The following HERC2 variants were observed in gnomAD, a reference collection of about 807,000 sequenced individuals.
HERC2 encodes E3 ubiquitin-protein ligase HERC2.
HERC2 carries 102 observed loss-of-function variants against 537.7 expected under a neutral mutation model. That is an observed-to-expected ratio of 0.19 (90% CI 0.16 to 0.22). The LOEUF (loss-of-function observed/expected upper bound fraction) is 0.22, where lower values mean the gene tolerates loss of function less well. Ranked by LOEUF, HERC2 falls within the 10% of genes least tolerant of loss-of-function variation. The pLI is 1.00. For synonymous variants in HERC2, 2,224 were observed against 2,466.2 expected, an observed-to-expected ratio of 0.90 and a Z score of 2.91; for missense variants, 4,236 against 6,198.2, an observed-to-expected ratio of 0.68 and a Z score of 10.63.
At chr15:28,125,888 C>G (rs545349317) in intron 83 of HERC2, among the ~76,000 whole-genome samples, 1 of 152,102 alleles carries the variant, frequency 6.6e-6, no homozygotes, top group African/African-American at 2.4e-5. Context: ...TCAAGCTCAC[C>G]GCAACCTCCG....
At chr15:28,255,801 C>T (rs941482739) in intron 19 of HERC2, 71 bp downstream of exon 19, 16 of 1,493,200 alleles carry the variant, frequency 1.1e-5, no homozygotes, top group Non-Finnish European at 1.3e-5. Flanking sequence ...TTCAGTTATT[C>T]TTCACGTGTG....
intron 4 of HERC2, among the ~76,000 whole-genome samples, chr15:28,284,211 A>G (rs2076095548): frequency 6.6e-6 from 1 of 152,162 alleles, no homozygotes; most frequent in Admixed American, 6.6e-5. Context: ...TGTATGTAAC[A>G]TATTACCTAG....
chr15:28,145,275 G>A (rs146902740), intron 71 of HERC2, among the ~76,000 whole-genome samples: 311 of 152,332 alleles, frequency 2.0e-3, no homozygotes, highest in Middle Eastern at 0.01. Context: ...AGAGTAGGCC[G>A]CCCTCGAGGG....
chr15:28,318,396 A>G (rs1465120967), intron 2 of HERC2, among the ~76,000 whole-genome samples: 7 of 152,112 alleles, frequency 4.6e-5, no homozygotes, highest in Non-Finnish European at 1.0e-4. Context: ...GGAGGCCGAG[A>G]CGGGTGGATC....
chr15:28,143,561 C>A (rs1891438240), intron 74 of HERC2, among the ~76,000 whole-genome samples: 1 of 152,098 alleles, frequency 6.6e-6, no homozygotes, highest in African/African-American at 2.4e-5. Flanking sequence ...ATTCTCCTGC[C>A]TCAGCCTCCC....
chr15:28,140,424 A>T (rs1053175668), intron 78 of HERC2, among the ~76,000 whole-genome samples: 6 of 152,260 alleles, frequency 3.9e-5, no homozygotes, highest in Non-Finnish European at 1.5e-5. Context: ...TAAAGAAGAT[A>T]CAAGAAATCT....
At position 28,240,161 on chromosome 15, in the gene HERC2, G is replaced by A. The variant is rs192874099; in HGVS notation, c.3578-1389C>T. Among the ~76,000 whole-genome samples, 61 of 152,374 alleles carry A rather than the reference G, an allele frequency of 4.0e-4. 1 individual carries two copies. The highest frequency in any genetic ancestry group is 7.7e-4 in the East Asian group (4 of 5,186). ...TCAGAGGGCGCAGTGGCTCACGCCT[G>A]TAATCCCAGCACTTTGGGAGGCCAA... On this transcript the variant is annotated intron_variant, in intron 23 of 92. Coordinates refer to ENST00000261609, the MANE Select transcript of HERC2 (RefSeq NM_004667.6).
rs1440421577 is a variant in HERC2 at position 28,246,853 on chromosome 15, C to T, written c.3280G>A (p.Ala1094Thr). 2 of 1,611,422 alleles carry T rather than the reference C, an allele frequency of 1.2e-6. No homozygotes were observed. The highest frequency in any genetic ancestry group is 2.7e-5 in the African/African-American group (2 of 74,912). Residue 1094 changes from alanine (A) to threonine (T), a missense_variant, in exon 22 of 93, where the codon GCC (alanine) becomes ACC (threonine). Transcript: ENST00000261609. ...GVGSLLKKYT[A>T]LLCTHIGDIL... is the part of the protein sequence containing the mutation. ...TCTCCAATGTGCGTGCACAGGAGGG[C>T]TGTGTACTTCTTCAGCAAGGAACCA...
At chr15:28,140,316 C>CAAA (rs1216928276) in intron 78 of HERC2, among the ~76,000 whole-genome samples, 2 of 152,068 alleles carry the variant, frequency 1.3e-5, no homozygotes, top group Non-Finnish European at 2.9e-5. Context: ...CCCCAGCCTG[C>CAAA]ACCATGAGCT....
chr15:28,264,760 C>G (rs1169387336), intron 14 of HERC2, among the ~76,000 whole-genome samples: 1 of 152,200 alleles, frequency 6.6e-6, no homozygotes, highest in Non-Finnish European at 1.5e-5. Context: ...ATTTTAAGGT[C>G]TGCAACTCAC....
chr15:28,147,076 A>G (rs1398111600), intron 70 of HERC2, among the ~76,000 whole-genome samples: 1 of 144,428 alleles, frequency 6.9e-6, no homozygotes, highest in African/African-American at 2.6e-5. Context: ...GGAGGCAGCT[A>G]GTATGTGGTT....
In HERC2 at chr15:28,111,772, T is replaced by C. The variant is rs768502975; in HGVS notation, c.14496A>G (p.Thr4832=). The change falls in exon 93 of 93, where the codon ACA becomes ACG. Residue 4832 remains threonine (T), a synonymous_variant. Coordinates refer to ENST00000261609, the MANE Select transcript of HERC2 (RefSeq NM_004667.6). ...FASDSTQDYL[T]GH Reference sequence around the variant, plus strand: ...AGGACGTTTCCCCATCTTAGTGTCCTGTTAAATAATCTTGTGTAGAGTCCG... The same window carrying C: ...AGGACGTTTCCCCATCTTAGTGTCCCGTTAAATAATCTTGTGTAGAGTCCG... 3.7e-6 allele frequency: 6 copies of C among 1,613,490 alleles called. No homozygotes were observed. Among genetic ancestry groups the C allele is most frequent in the Non-Finnish European group, 5.1e-6 (6 of 1,179,358 alleles).
intron 65 of HERC2, among the ~76,000 whole-genome samples, chr15:28,170,930 A>C (rs1274577197): frequency 2.0e-5 from 3 of 152,262 alleles, no homozygotes; most frequent in African/African-American, 7.2e-5. Flanking sequence ...TATTAAAACC[A>C]CAATGAGATA....
chr15:28,262,486 G>A (rs1425916192), intron 15 of HERC2, among the ~76,000 whole-genome samples: 1 of 152,146 alleles, frequency 6.6e-6, no homozygotes, highest in Non-Finnish European at 1.5e-5. Flanking sequence ...ACCCACCAAG[G>A]ATGAGTTCAC....
At chr15:28,287,698 CATTAT>C (rs1279320997) in intron 4 of HERC2, among the ~76,000 whole-genome samples, 2 of 148,686 alleles carry the variant, frequency 1.3e-5, no homozygotes, top group Admixed American at 6.7e-5. Flanking sequence ...TAATTATTTA[CATTAT>C]ATTATACTTA....
chr15:28,228,755 T>C (rs1489391752), intron 34 of HERC2, among the ~76,000 whole-genome samples: 1 of 152,252 alleles, frequency 6.6e-6, no homozygotes, highest in Admixed American at 6.5e-5. Context: ...CTGCATTCTA[T>C]GCACAGGTTG....
chr15:28,179,035 AAGG>A lies in HERC2; in HGVS notation c.9020-8_9020-6del. 1 of 1,613,106 alleles carries A rather than the reference AAGG, an allele frequency of 6.2e-7. No individual in the cohort carries two copies. Among genetic ancestry groups the A allele is most frequent in the South Asian group, 1.1e-5 (1 of 90,950 alleles). On this transcript the variant is annotated splice_polypyrimidine_tract_variant and splice_region_variant and intron_variant, in intron 58 of 92. Transcript: ENST00000261609. ...ACACCTTCCCTTCCACAGTCACTGC[AAGG>A]AACGACAGCCAGGAGAGGACTCTCT...
At chr15:28,296,700 A>G (rs2346045) in intron 3 of HERC2, among the ~76,000 whole-genome samples, 1 of 151,962 alleles carries the variant, frequency 6.6e-6, no homozygotes, top group Non-Finnish European at 1.5e-5. Flanking sequence ...AAAAAAAAAA[A>G]AAAAAAAAGG....
At chr15:28,301,175 G>A (rs1220872814) in intron 2 of HERC2, among the ~76,000 whole-genome samples, 5 of 151,832 alleles carry the variant, frequency 3.3e-5, no homozygotes. Flanking sequence ...AGCATTTTGG[G>A]AGGCTGAGGC....
Sources: allele counts gnomAD v4.1 joint callset (sites outside exome capture counted in the v4.1 genomes callset), GRCh38; gene constraint gnomAD v4.1.1; transcripts MANE v1.5; gene names NCBI Gene and HGNC (gene_info 2026-07-23, HGNC 2026-07-21).